The following EPPK1 variants were observed in gnomAD, a reference collection of about 807,000 sequenced individuals.
EPPK1 encodes epiplakin.
For missense variants in EPPK1, 3,823 were observed against 3,673.3 expected, an observed-to-expected ratio of 1.04 and a Z score of -1.05; for synonymous variants, 1,862 against 1,721.2, an observed-to-expected ratio of 1.08 and a Z score of -2.03.
Position 143,870,128 on chromosome 8 carries a change from A to C in EPPK1, c.3126T>G (p.Ala1042=), listed in dbSNP as rs1554660637. The change falls in exon 2 of 2, where the codon GCT becomes GCG. Residue 1042 remains alanine, a synonymous_variant. Transcript: ENST00000615648. This position sits in a 1 kb window ranked among gnomAD's most constrained non-coding sequence, Gnocchi z 5.2. ...CAATGATCCCTCCTGTGGCCACTTG[A>C]GCCTCCAGGAGGCGGGCAGCTTGCT... is the stretch of plus-strand genomic sequence containing the variant. ...PWEQAARLLE[A]QVATGGIIDP... 6.2e-7 allele frequency: 1 copy of C among 1,611,394 alleles called. No homozygotes were observed. Among genetic ancestry groups the C allele is most frequent in the South Asian group, 1.1e-5 (1 of 90,826 alleles).
Position 143,872,663 on chromosome 8 carries a change from G to C in EPPK1, c.591C>G (p.Asp197Glu). Residue 197 changes from aspartate (D) to glutamate (E), a missense_variant, in exon 2 of 2, where the codon GAC (aspartate) becomes GAG (glutamate). By Grantham distance (45) the Asp-to-Glu change is conservative (BLOSUM62 2). Coordinates refer to ENST00000615648, the MANE Select transcript of EPPK1 (RefSeq NM_031308.4). ...GCGTGTTGGGGTCGAGGAAGCGCAGGTCACCTGTGCCAGGCTCAAGCTCTG... is the reference window on the plus strand; with the variant it reads ...GCGTGTTGGGGTCGAGGAAGCGCAGCTCACCTGTGCCAGGCTCAAGCTCTG... ...KLSELEPGTG[D>E]LRFLDPNTLE... is the part of the protein sequence containing the mutation. 1 of 1,608,772 alleles carries C rather than the reference G, an allele frequency of 6.2e-7. No individual in the cohort carries two copies. Among genetic ancestry groups the C allele is most frequent in the Non-Finnish European group, 8.5e-7 (1 of 1,179,068 alleles).
Position 143,868,990 on chromosome 8 carries a change from C to T in EPPK1, c.4264G>A (p.Val1422Met), listed in dbSNP as rs782564343. The T allele has an allele frequency of 2.7e-5, 44 of 1,610,124 alleles. No individual in the cohort carries two copies. In the East Asian group the frequency reaches 4.2e-4, roughly 15 times the overall value. ...VTYQQLRERC[V>M]CDSETGLLLL... ...AACAATCCGGTCTCGGAGTCGCACA[C>T]GCAGCGCTCCCTGAGCTGCTGGTAG... is the stretch of plus-strand genomic sequence containing the variant. The change falls in exon 2 of 2, where the codon GTG (valine) becomes ATG (methionine). Residue 1422 changes from valine to methionine, a missense_variant. By Grantham distance (21) the Val-to-Met change is conservative (BLOSUM62 1). Coordinates refer to ENST00000615648, the MANE Select transcript of EPPK1 (RefSeq NM_031308.4).
rs1819113895 is a variant in EPPK1, at chr8:143,866,596, G to C, written c.6658C>G (p.Leu2220Val). The C allele has an allele frequency of 6.2e-7, 1 of 1,612,570 alleles. No individual in the cohort carries two copies. The change falls in exon 2 of 2, where the codon CTG becomes GTG. Residue 2220 changes from leucine to valine, a missense_variant. Physicochemically the swap from Leu to Val is conservative, Grantham distance 32. Transcript: ENST00000615648. Reference protein sequence around the residue: ...LMEDDRVKRYLEGTSCIAGVL... With the variant: ...LMEDDRVKRYVEGTSCIAGVL... ...CCCGCGATGCAGCTGGTGCCCTCCA[G>C]GTAGCGCTTGACGCGGTCGTCCTCC...
Position 143,857,896 on chromosome 8 carries a change from C to CAAAAA in EPPK1, c.*86_*90dup, listed in dbSNP as rs35186960. The CAAAAA allele has an allele frequency of 1.5e-3, 669 of 437,146 alleles. 1 individual carries two copies. Among genetic ancestry groups the CAAAAA allele is most frequent in the South Asian group, 5.5e-3 (124 of 22,742 alleles). 27.1% of individuals were successfully genotyped at this position (437,146 alleles called of 1,614,324 possible). A position where few individuals can be genotyped will look rare whatever the true frequency, so the allele number is the denominator to read the frequency against. Reference sequence around the variant, plus strand: ...GTAAAACAACAAAATTAAAGAATGACAAAAAAAAAAAAAAAAAAAAAAACA... The same window carrying CAAAAA: ...GTAAAACAACAAAATTAAAGAATGACAAAAAAAAAAAAAAAAAAAAAAAAAAAACA... On this transcript the variant is annotated 3_prime_UTR_variant, in exon 2 of 2. Coordinates refer to ENST00000615648, the MANE Select transcript of EPPK1 (RefSeq NM_031308.4).
Position 143,868,695 on chromosome 8 carries a change from G to A in EPPK1, c.4559C>T (p.Thr1520Ile), listed in dbSNP as rs1554660036. The A allele has an allele frequency of 3.2e-6, 5 of 1,580,154 alleles. No individual in the cohort carries two copies. The highest frequency in any genetic ancestry group is 3.4e-6 in the Non-Finnish European group (4 of 1,165,820). The change falls in exon 2 of 2, where the codon ACC becomes ATC. Residue 1520 changes from threonine (T) to isoleucine (I), a missense_variant. Thr to Ile is a moderately conservative substitution (Grantham distance 89). Transcript: ENST00000615648. Reference protein sequence around the residue: ...EAAERQPLQATFRGLRKQVSA... With the variant: ...EAAERQPLQAIFRGLRKQVSA... ...CACCTGCTTCCGGAGCCCTCTGAAG[G>A]TGGCCTGCAGGGGCTGCCTCTCTGC... is the stretch of plus-strand genomic sequence containing the variant.
chr8:143,869,179 G>C lies in EPPK1; in HGVS notation c.4075C>G (p.Gln1359Glu), dbSNP rs1272670691. 1.2e-6 allele frequency: 2 copies of C among 1,608,506 alleles called. No homozygotes were observed. Among genetic ancestry groups the C allele is most frequent in the East Asian group, 2.2e-5 (1 of 44,868 alleles). ...QNEGLPLLQVQLATGGVVDPV... is the reference protein window; with the variant it reads ...QNEGLPLLQVELATGGVVDPV... ...TCCACCACACCCCCTGTGGCCAGCT[G>C]CACCTGCAGGAGGGGCAAGCCCTCG... is the stretch of plus-strand genomic sequence containing the variant. Residue 1359 changes from glutamine (Q) to glutamate (E), a missense_variant, in exon 2 of 2, where the codon CAG becomes GAG. Gln to Glu is a conservative substitution (Grantham distance 29, BLOSUM62 2). Transcript: ENST00000615648.
chr8:143,868,470 A>T lies in EPPK1; in HGVS notation c.4784T>A (p.Ile1595Asn). ...CACCAGGGCTGTGCCAGGCCGCAGG[A>T]TGTGCCTCCTCAGGGCCTCTGGGAT... is the stretch of plus-strand genomic sequence containing the variant. ...MSIPEALRRH[I>N]LRPGTALVLL... is the part of the protein sequence containing the mutation. Residue 1595 changes from isoleucine to asparagine, a missense_variant, in exon 2 of 2, where the codon ATC becomes AAC. Physicochemically the swap from Ile to Asn is moderately radical, Grantham distance 149. Coordinates refer to ENST00000615648, the MANE Select transcript of EPPK1 (RefSeq NM_031308.4). 1 of 1,612,292 alleles carries T rather than the reference A, an allele frequency of 6.2e-7. No individual in the cohort carries two copies.
In EPPK1 at chr8:143,870,793, C is replaced by T. The variant is rs541428503; in HGVS notation, c.2461G>A (p.Val821Met). 66 of 1,612,688 alleles carry T rather than the reference C, an allele frequency of 4.1e-5. 1 individual carries two copies. The highest frequency in any genetic ancestry group is 2.0e-4 in the East Asian group (9 of 44,872). The change falls in exon 2 of 2, where the codon GTG (valine) becomes ATG (methionine). Residue 821 changes from valine to methionine, a missense_variant. Val to Met is a conservative substitution (Grantham distance 21). Coordinates refer to ENST00000615648, the MANE Select transcript of EPPK1 (RefSeq NM_031308.4). This position sits in a 1 kb window ranked among gnomAD's most constrained non-coding sequence, Gnocchi z 5.2. Reference protein sequence around the residue: ...QQAFQNLLLSVKYGRFQGQRV... With the variant: ...QQAFQNLLLSMKYGRFQGQRV... ...TGCCCCTGAAACCGTCCATACTTCACGGAGAGCAGCAGGTTCTGGAAGGCC... is the reference window on the plus strand; with the variant it reads ...TGCCCCTGAAACCGTCCATACTTCATGGAGAGCAGCAGGTTCTGGAAGGCC...
In EPPK1 at chr8:143,869,199, C is replaced by G. The variant is rs1439218522; in HGVS notation, c.4055G>C (p.Gly1352Ala). The G allele has an allele frequency of 6.8e-6, 11 of 1,609,744 alleles. No homozygotes were observed. The highest frequency in any genetic ancestry group is 9.3e-6 in the Non-Finnish European group (11 of 1,179,700). The change falls in exon 2 of 2, where the codon GGC becomes GCC. Residue 1352 changes from glycine (G) to alanine (A), a missense_variant. Gly to Ala is a moderately conservative substitution (Grantham distance 60, BLOSUM62 0). Transcript: ENST00000615648. Reference sequence around the variant, plus strand: ...CAGCTGCACCTGCAGGAGGGGCAAGCCCTCGTTCTGTGGCACGAGCCCCTT... The same window carrying G: ...CAGCTGCACCTGCAGGAGGGGCAAGGCCTCGTTCTGTGGCACGAGCCCCTT... ...MEKGLVPQNE[G>A]LPLLQVQLAT...
rs1563883531 is a variant in EPPK1, at chr8:143,869,290, TCTCGGCCTGC to T, written c.3954_3963del (p.Gln1319GlyfsTer72). The T allele has an allele frequency of 6.2e-7, 1 of 1,605,070 alleles. No homozygotes were observed. The highest frequency in any genetic ancestry group is 1.7e-5 in the Admixed American group (1 of 59,462). ...GGATCTGGGTACCCGGCCGCCGCCC[TCTCGGCCTGC>T]CCGAGCTGCTCACTCAGCTCCCTGC... On this transcript the variant is annotated frameshift_variant, in exon 2 of 2. Transcript: ENST00000615648. LOFTEE classifies it low-confidence loss of function (END_TRUNC).
At chr8:143,877,428 G>A (rs1321990984) in intron 1 of EPPK1, among the ~76,000 whole-genome samples, 1 of 152,190 alleles carries the variant, frequency 6.6e-6, no homozygotes, top group East Asian at 1.9e-4. Flanking sequence ...GGGGTGGGGA[G>A]GAGGCCGAGC....
At position 143,869,049 on chromosome 8, in the gene EPPK1, A is replaced by C. The variant is rs782661696; in HGVS notation, c.4205T>G (p.Phe1402Cys). Residue 1402 changes from phenylalanine to cysteine, a missense_variant, in exon 2 of 2, where the codon TTC becomes TGC. Transcript: ENST00000615648. ...GTCCCGCGCACTGGGGTCAAAGAAG[A>C]ACTTGTTGTCCTTGTCAACTGCAGT... ...VLTAVDKDNK[F>C]FFDPSARDQV... is the part of the protein sequence containing the mutation. 8 of 1,609,410 alleles carry C rather than the reference A, an allele frequency of 5.0e-6. No individual in the cohort carries two copies. Among genetic ancestry groups the C allele is most frequent in the East Asian group, 2.2e-5 (1 of 44,862 alleles).
chr8:143,870,907 C>G lies in EPPK1; in HGVS notation c.2347G>C (p.Glu783Gln), dbSNP rs200469188. The G allele has an allele frequency of 1.9e-6, 3 of 1,613,180 alleles. No homozygotes were observed. Among genetic ancestry groups the G allele is most frequent in the African/African-American group, 2.7e-5 (2 of 74,918 alleles). ...HENLTYLQLLERCVRDPETGL... is the reference protein window; with the variant it reads ...HENLTYLQLLQRCVRDPETGL... ...GTCTCGGGGTCACGCACACAGCGCT[C>G]CAGAAGCTGCAGGTACGTGAGGTTC... The change falls in exon 2 of 2, where the codon GAG (glutamate) becomes CAG (glutamine). Residue 783 changes from glutamate to glutamine, a missense_variant. Physicochemically the swap from Glu to Gln is conservative, Grantham distance 29. Coordinates refer to ENST00000615648, the MANE Select transcript of EPPK1 (RefSeq NM_031308.4). This position sits in a 1 kb window ranked among gnomAD's most constrained non-coding sequence, Gnocchi z 5.2.
chr8:143,878,349 A>C (rs1819521907), intron 1 of EPPK1, 89 bp downstream of exon 1: 1 of 71,078 alleles, frequency 1.4e-5, no homozygotes, highest in African/African-American at 1.0e-4. Context: ...CCCGGCCCCG[A>C]GCCCGCACCC....
chr8:143,859,738 C>G lies in EPPK1; in HGVS notation c.13516G>C (p.Glu4506Gln). ...VAYRRGYFDE[E>Q]MNRVLAHPSD... ...GGGTGGGCCAGGACACGGTTCATCT[C>G]CTCGTCGAAGTAGCCGCGCCGGTAG... The change falls in exon 2 of 2, where the codon GAG becomes CAG. Residue 4506 changes from glutamate (E) to glutamine (Q), a missense_variant. Transcript: ENST00000615648. 5 of 820,926 alleles carry G rather than the reference C, an allele frequency of 6.1e-6. 2 individuals carry two copies. Among genetic ancestry groups the G allele is most frequent in the Non-Finnish European group, 8.7e-6 (5 of 572,048 alleles). The allele number at this position is 820,926 out of a possible 1,614,324, so 50.9% of individuals were successfully genotyped here.
rs1248229232 is a variant in EPPK1, at chr8:143,874,912, C to T, written c.-45-1614G>A. On this transcript the variant is annotated intron_variant, in intron 1 of 1. Transcript: ENST00000615648. ...CCACCGCTCTTGAGGCAGCCACCAC[C>T]CCCGGCTGCCAAACTCGACAAATGC... 7.2e-5 allele frequency among the ~76,000 whole-genome samples: 11 copies of T among 152,294 alleles called. No homozygotes were observed. In the South Asian group the frequency reaches 1.9e-3, roughly 26 times the overall value.
rs1554659951 is a variant in EPPK1, at chr8:143,868,466, C to T, written c.4788G>A (p.Leu1596=). ...SIPEALRRHI[L]RPGTALVLLE... ...GCAGCACCAGGGCTGTGCCAGGCCG[C>T]AGGATGTGCCTCCTCAGGGCCTCTG... Residue 1596 remains leucine, a synonymous_variant, in exon 2 of 2, where the codon CTG becomes CTA. Coordinates refer to ENST00000615648, the MANE Select transcript of EPPK1 (RefSeq NM_031308.4). 6.2e-7 allele frequency: 1 copy of T among 1,612,330 alleles called. No homozygotes were observed. The highest frequency in any genetic ancestry group is 8.5e-7 in the Non-Finnish European group (1 of 1,179,692).
rs201067978 is a variant in EPPK1, at chr8:143,872,961, G to A, written c.293C>T (p.Ala98Val). 197 of 1,604,224 alleles carry A rather than the reference G, an allele frequency of 1.2e-4. No individual in the cohort carries two copies. The African/African-American group carries it at 2.2e-3, about 18-fold the overall frequency. ...CAGCCCCACCAGACCCTGCTGCAGG[G>A]CCTTGGACACAGGGAGCAGCTGGCC... ...ARGQLLPVSK[A>V]LQQGLVGLEL... The change falls in exon 2 of 2, where the codon GCC becomes GTC. Residue 98 changes from alanine (A) to valine (V), a missense_variant. Coordinates refer to ENST00000615648, the MANE Select transcript of EPPK1 (RefSeq NM_031308.4).
At chr8:143,874,058 G>C (rs1236351051) in intron 1 of EPPK1, among the ~76,000 whole-genome samples, 1 of 152,252 alleles carries the variant, frequency 6.6e-6, no homozygotes, top group Non-Finnish European at 1.5e-5. Context: ...TGCCCCGGGG[G>C]CCGCAGGCTC....
Sources: gnomAD v4.1 joint callset for allele counts (sites outside exome capture counted in the v4.1 genomes callset) on GRCh38, gnomAD v4.1.1 for gene constraint, Gnocchi (gnomAD v3.1) non-coding constraint, MANE v1.5 for transcripts, NCBI Gene and HGNC (gene_info 2026-07-23, HGNC 2026-07-21) for gene names.